PTBP3: variants seen among roughly 807,000 people sequenced by gnomAD.
The protein encoded by PTBP3 is polypyrimidine tract-binding protein 3.
A neutral mutation model predicts 58.7 loss-of-function variants in PTBP3; 20 were observed. The ratio of observed to expected loss-of-function variants is 0.34; its 90% CI spans 0.24 to 0.50. The LOEUF (loss-of-function observed/expected upper bound fraction) is 0.50, where lower values mean the gene tolerates loss of function less well. Ranked by LOEUF, PTBP3 falls within the 20% of genes least tolerant of loss-of-function variation. The pLI, the probability that PTBP3 is intolerant of heterozygous loss-of-function variation, is 0.98. For synonymous variants in PTBP3, 185 were observed against 219.8 expected, an observed-to-expected ratio of 0.84 and a Z score of 1.40; for missense variants, 509 against 637.2, an observed-to-expected ratio of 0.80 and a Z score of 2.17.
chr9:112,340,562 T>A, the PTBP3 span, among the ~76,000 whole-genome samples: 1 of 152,244 alleles, frequency 6.6e-6, no homozygotes, highest in Non-Finnish European at 1.5e-5. Flanking sequence ...TAAAATGTCA[T>A]GTTATTGTCT....
chr9:112,264,326 T>C lies in PTBP3; in HGVS notation c.352-1727A>G, dbSNP rs552600538. Among the ~76,000 whole-genome samples, 19 of 152,320 alleles carry C rather than the reference T, an allele frequency of 1.2e-4. No individual in the cohort carries two copies. The East Asian group carries it at 3.7e-3, about 29-fold the overall frequency. ...CATCTCATGGCAGATTTATAAACTT[T>C]CATCCACAAGGTCAAGAAAAGCTGC... On this transcript the variant is annotated intron_variant, in intron 4 of 13. Transcript: ENST00000374257.
At chr9:112,370,361 G>A in the PTBP3 span, among the ~76,000 whole-genome samples, 4 of 152,120 alleles carry the variant, frequency 2.6e-5, no homozygotes. Context: ...GGACAACATG[G>A]CAAAACCCTA....
intron 7 of PTBP3, among the ~76,000 whole-genome samples, chr9:112,238,971 G>C (rs1421346941): frequency 6.6e-6 from 1 of 152,158 alleles, no homozygotes; most frequent in African/African-American, 2.4e-5. Context: ...AAGAAGGAAT[G>C]AAAAGCCTAA....
intron 7 of PTBP3, among the ~76,000 whole-genome samples, chr9:112,241,190 G>A (rs377640712): frequency 5.9e-5 from 9 of 152,194 alleles, no homozygotes; most frequent in East Asian, 5.8e-4. Context: ...TGCAGACTCC[G>A]CCTCCTGGGT....
the PTBP3 span, among the ~76,000 whole-genome samples, chr9:112,348,670 C>G: frequency 3.3e-5 from 5 of 152,250 alleles, no homozygotes; most frequent in Admixed American, 2.0e-4. Flanking sequence ...CTCTCAAGTA[C>G]CCGGCTTGGC....
At position 112,268,154 on chromosome 9, in the gene PTBP3, C is replaced by A; in HGVS notation, c.246G>T (p.Met82Ile). The A allele has an allele frequency of 6.2e-7, 1 of 1,612,838 alleles. No individual in the cohort carries two copies. The highest frequency in any genetic ancestry group is 8.5e-7 in the Non-Finnish European group (1 of 1,179,684). Residue 82 changes from methionine (M) to isoleucine (I), a missense_variant, in exon 4 of 14, where the codon ATG becomes ATT. Coordinates refer to ENST00000374257, the MANE Select transcript of PTBP3 (RefSeq NM_001163788.4). ...GAGTAATAGGAGTGTAATAATTCAC[C>A]ATAGTAACGGCAGCTTCCTCAGAAG... The part of the protein sequence containing the change: ...EMASEEAAVT[M>I]VNYYTPITPH...
Position 112,227,558 on chromosome 9 carries a change from G to A in PTBP3, c.1217C>T (p.Ala406Val). ...VLRATLSKHQAVQLPREGQED... is the reference protein window; with the variant it reads ...VLRATLSKHQVVQLPREGQED... ...TTGTCCCTCTCGAGGAAGCTGTACTGCTTGATGTTTGGACAGTGTAGCACG... is the reference window on the plus strand; with the variant it reads ...TTGTCCCTCTCGAGGAAGCTGTACTACTTGATGTTTGGACAGTGTAGCACG... The change falls in exon 12 of 14, where the codon GCA becomes GTA. Residue 406 changes from alanine (A) to valine (V), a missense_variant. Transcript: ENST00000374257. 6.2e-7 allele frequency: 1 copy of A among 1,613,948 alleles called. No individual in the cohort carries two copies. The highest frequency in any genetic ancestry group is 8.5e-7 in the Non-Finnish European group (1 of 1,179,920).
At chr9:112,365,998 T>A in the PTBP3 span, among the ~76,000 whole-genome samples, 1 of 152,038 alleles carries the variant, frequency 6.6e-6, no homozygotes, top group Non-Finnish European at 1.5e-5. Flanking sequence ...GCTGCAGAAA[T>A]TTGCATAAGT....
At chr9:112,234,756 G>C in intron 8 of PTBP3, 64 bp downstream of exon 8, 1 of 1,423,720 alleles carries the variant, frequency 7.0e-7, no homozygotes, top group South Asian at 1.2e-5. Flanking sequence ...CTTCATCTTG[G>C]TAAGTTCCTA....
intron 1 of PTBP3, among the ~76,000 whole-genome samples, chr9:112,298,732 T>C (rs1024420613): frequency 9.2e-5 from 14 of 152,342 alleles, no homozygotes; most frequent in African/African-American, 3.1e-4. Context: ...CTACAGCACA[T>C]ATTTAATGTT....
At position 112,252,658 on chromosome 9, in the gene PTBP3, GAAAC is replaced by G; in HGVS notation, c.627+16_627+19del. On this transcript the variant is annotated intron_variant, in intron 6 of 13. Transcript: ENST00000374257. ...CTGGAGTGATTAACAATTGAAAAAT[GAAAC>G]AAAGATCATAATTACCATTTTGGCA... The G allele has an allele frequency of 6.6e-7, 1 of 1,523,168 alleles. No homozygotes were observed. Among genetic ancestry groups the G allele is most frequent in the Non-Finnish European group, 9.1e-7 (1 of 1,098,690 alleles). 94.4% of individuals were successfully genotyped at this position (1,523,168 alleles called of 1,614,324 possible).
intron 1 of PTBP3, among the ~76,000 whole-genome samples, chr9:112,316,154 T>C (rs542375101): frequency 6.6e-4 from 100 of 152,298 alleles, no homozygotes; most frequent in Non-Finnish European, 1.3e-3. Flanking sequence ...TGTGGCATGG[T>C]AGGCAGACTT....
At chr9:112,285,398 T>C (rs1018350036) in intron 2 of PTBP3, among the ~76,000 whole-genome samples, 4 of 152,224 alleles carry the variant, frequency 2.6e-5, no homozygotes, top group Admixed American at 6.5e-5. Context: ...GGCAGTTCTT[T>C]ACAGCAGTGT....
rs759685293 is a variant in PTBP3, at chr9:112,268,005, C to A, written c.351+44G>T. ...CTGTAAAGTATGTAAGTTATCATAC[C>A]ATGTGTTCCCATACCTATTTTTAAA... On this transcript the variant is annotated intron_variant, in intron 4 of 13. Transcript: ENST00000374257. 1.2e-5 allele frequency: 18 copies of A among 1,541,552 alleles called. No individual in the cohort carries two copies. The East Asian group carries it at 3.6e-4, about 31-fold the overall frequency.
intron 1 of PTBP3, 31 bp downstream of exon 1, chr9:112,333,439 C>T (rs780300478): frequency 6.4e-7 from 1 of 1,570,340 alleles, no homozygotes; most frequent in Non-Finnish European, 8.6e-7. Flanking sequence ...CAAGGCAACC[C>T]GGTGCGGCCG....
intron 12 of PTBP3, 141 bp downstream of exon 12, chr9:112,227,270 T>G (rs1416887912): frequency 1.3e-6 from 1 of 793,678 alleles, no homozygotes; most frequent in East Asian, 2.7e-5. Context: ...GAAGGCATGA[T>G]GGCAAATAAA....
chr9:112,303,360 C>T (rs1829031977), intron 1 of PTBP3, among the ~76,000 whole-genome samples: 1 of 152,106 alleles, frequency 6.6e-6, no homozygotes, highest in Admixed American at 6.6e-5. Context: ...AATGTTAGTT[C>T]ATTAACATGA....
At chr9:112,288,536 G>C (rs1048890032) in intron 2 of PTBP3, among the ~76,000 whole-genome samples, 3 of 151,918 alleles carry the variant, frequency 2.0e-5, no homozygotes, top group African/African-American at 7.3e-5. Flanking sequence ...AGTCTAGAAA[G>C]AAAACTAGGG....
At chr9:112,326,339 C>A (rs1278333510) in intron 1 of PTBP3, among the ~76,000 whole-genome samples, 1 of 152,202 alleles carries the variant, frequency 6.6e-6, no homozygotes, top group Non-Finnish European at 1.5e-5. Context: ...GTATTTTAGG[C>A]TTTGCAGTCT....
Sources: allele counts gnomAD v4.1 joint callset (sites outside exome capture counted in the v4.1 genomes callset), GRCh38; gene constraint gnomAD v4.1.1; transcripts MANE v1.5; gene names NCBI Gene and HGNC (gene_info 2026-07-23, HGNC 2026-07-21).